EFL1: variants seen among roughly 807,000 people sequenced by gnomAD.
The protein encoded by EFL1 is elongation factor like GTPase 1, also known as elongation factor-like GTPase 1.
EFL1 carries 76 observed loss-of-function variants against 126.7 expected under a neutral mutation model. That is an observed-to-expected ratio of 0.60 (90% CI 0.50 to 0.73). The LOEUF (loss-of-function observed/expected upper bound fraction) is 0.73, where lower values mean the gene tolerates loss of function less well. Ranked by LOEUF, EFL1 falls within the 30% of genes least tolerant of loss-of-function variation. The pLI is 0.00. For synonymous variants in EFL1, 410 were observed against 448.4 expected (o/e 0.91, Z 1.08); for missense variants, 1,128 against 1,343.2 (o/e 0.84, Z 2.50).
chr15:82,187,670 A>T (rs1567055928), intron 15 of EFL1, among the ~76,000 whole-genome samples: 2 of 152,094 alleles, frequency 1.3e-5, no homozygotes, highest in African/African-American at 4.8e-5. Context: ...CCTAATTTAC[A>T]TGTCAAATTC....
At chr15:82,170,609 T>C (rs2074125666) in intron 15 of EFL1, among the ~76,000 whole-genome samples, 1 of 152,340 alleles carries the variant, frequency 6.6e-6, no homozygotes, top group East Asian at 1.9e-4. Flanking sequence ...GTGGAAGTAG[T>C]GGCAGTGGTG....
chr15:82,225,332 G>T, intron 11 of EFL1, 68 bp from the exon 12 acceptor site: 1 of 1,204,368 alleles, frequency 8.3e-7, no homozygotes. Context: ...AGATTTTTCT[G>T]GAAAACAATT....
intron 17 of EFL1, among the ~76,000 whole-genome samples, chr15:82,154,568 T>C (rs1454437913): frequency 2.0e-5 from 3 of 152,166 alleles, no homozygotes; most frequent in Non-Finnish European, 2.9e-5. Flanking sequence ...TATGATAACT[T>C]ACCTCAAAGT....
rs72749532 is a variant in EFL1 at position 82,151,813 on chromosome 15, G to C, written c.2641C>G (p.Pro881Ala). 10 of 1,614,016 alleles carry C rather than the reference G, an allele frequency of 6.2e-6. No homozygotes were observed. Among genetic ancestry groups the C allele is most frequent in the Admixed American group, 1.7e-5 (1 of 60,004 alleles). ...SGFQLATLSG[P>A]MCEEPLMGVC... is the part of the protein sequence containing the mutation. ...CCCATGAGAGGCTCCTCACACATGG[G>C]GCCAGAGAGGGTTGCTAGTTGGAAG... Residue 881 changes from proline to alanine, a missense_variant, in exon 18 of 20, where the codon CCC (proline) becomes GCC (alanine). By Grantham distance (27) the Pro-to-Ala change is conservative (BLOSUM62 -1). Transcript: ENST00000268206.
At chr15:82,148,377 CAAA>C (rs547889990) in intron 18 of EFL1, among the ~76,000 whole-genome samples, 3 of 94,324 alleles carry the variant, frequency 3.2e-5, no homozygotes, top group Non-Finnish European at 6.5e-5. Context: ...GAATCCATCT[CAAA>C]AAAAAAAAAA....
chr15:82,244,708 C>G (rs6495647), intron 4 of EFL1, among the ~76,000 whole-genome samples: 101,362 of 151,942 alleles, frequency 0.67, 35,667 homozygotes, highest in African/African-American at 0.89. Context: ...GAAAAGAATT[C>G]CTCCCTTGCC....
rs140371350 is a variant in EFL1 at position 82,183,195 on chromosome 15, T to A, written c.1751-19211A>T. Among the ~76,000 whole-genome samples, 289 of 152,326 alleles carry A rather than the reference T, an allele frequency of 1.9e-3. 1 individual carries two copies. The highest frequency in any genetic ancestry group is 6.7e-3 in the African/African-American group (280 of 41,566). On this transcript the variant is annotated intron_variant, in intron 15 of 19. Coordinates refer to ENST00000268206, the MANE Select transcript of EFL1 (RefSeq NM_024580.6). Reference sequence around the variant, plus strand: ...CGGCAAAAAGTACCAATGTCTCAAATGTAGGGAGAAAGAAAAGTTGATAAT... The same window carrying A: ...CGGCAAAAAGTACCAATGTCTCAAAAGTAGGGAGAAAGAAAAGTTGATAAT...
chr15:82,245,070 C>A (rs2074959269), intron 4 of EFL1, among the ~76,000 whole-genome samples: 1 of 152,092 alleles, frequency 6.6e-6, no homozygotes, highest in African/African-American at 2.4e-5. Context: ...GTATGAACTT[C>A]TAACAATTAT....
intron 5 of EFL1, among the ~76,000 whole-genome samples, chr15:82,240,981 C>T (rs1177390098): frequency 1.3e-5 from 2 of 152,146 alleles, no homozygotes; most frequent in Admixed American, 6.5e-5. Context: ...ACCCAGGAGG[C>T]GGAGGTTGCA....
At chr15:82,134,187 A>G (rs1351334736) in intron 19 of EFL1, among the ~76,000 whole-genome samples, 1 of 152,186 alleles carries the variant, frequency 6.6e-6, no homozygotes, top group Non-Finnish European at 1.5e-5. Flanking sequence ...ACTTGCCTCA[A>G]CATACCCAAC....
intron 4 of EFL1, among the ~76,000 whole-genome samples, chr15:82,246,086 G>A (rs999020564): frequency 1.3e-5 from 2 of 151,998 alleles, no homozygotes; most frequent in African/African-American, 4.8e-5. Context: ...ACTAGACCAC[G>A]TACAGACCAC....
intron 5 of EFL1, 52 bp downstream of exon 5, chr15:82,241,218 C>T (rs986312313): frequency 3.7e-5 from 60 of 1,602,324 alleles, no homozygotes; most frequent in Non-Finnish European, 4.4e-5. Context: ...GTCAGTTCCC[C>T]CTCTTTCCTC....
intron 12 of EFL1, among the ~76,000 whole-genome samples, chr15:82,221,966 G>T (rs962231832): frequency 1.3e-5 from 2 of 152,120 alleles, no homozygotes; most frequent in Admixed American, 6.5e-5. Context: ...CATTCTAGCC[G>T]TTCCTTCAAC....
At chr15:82,170,113 T>C (rs2074118665) in intron 15 of EFL1, among the ~76,000 whole-genome samples, 1 of 132,878 alleles carries the variant, frequency 7.5e-6, no homozygotes, top group Admixed American at 7.4e-5. Flanking sequence ...TGTCTTTTTT[T>C]TTTTTTTTTT....
At chr15:82,172,017 G>C (rs2141250509) in intron 15 of EFL1, among the ~76,000 whole-genome samples, 1 of 149,864 alleles carries the variant, frequency 6.7e-6, no homozygotes, top group Admixed American at 6.6e-5. Context: ...TAGGAATCTA[G>C]ACAAAGAATA....
At chr15:82,222,911 G>C (rs1224581924) in intron 12 of EFL1, among the ~76,000 whole-genome samples, 2 of 152,184 alleles carry the variant, frequency 1.3e-5, no homozygotes, top group African/African-American at 4.8e-5. Flanking sequence ...TGTCAGGTTG[G>C]AAGGTGAATT....
chr15:82,216,585 G>A (rs1364701635), intron 14 of EFL1, among the ~76,000 whole-genome samples: 1 of 152,112 alleles, frequency 6.6e-6, no homozygotes, highest in Non-Finnish European at 1.5e-5. Flanking sequence ...CTGACAGAGT[G>A]GACAAAGCTA....
chr15:82,215,441 C>G (rs1178377865), intron 14 of EFL1: 1 of 151,984 alleles, frequency 6.6e-6, no homozygotes, highest in East Asian at 1.9e-4. Context: ...AATGAGAGGA[C>G]AGAGTACATT....
At chr15:82,186,126 A>C (rs2074301065) in intron 15 of EFL1, among the ~76,000 whole-genome samples, 1 of 152,050 alleles carries the variant, frequency 6.6e-6, no homozygotes, top group African/African-American at 2.4e-5. Flanking sequence ...CAGTGGAATG[A>C]ATAGTTGCTT....
Sources: gnomAD v4.1 joint callset for allele counts (sites outside exome capture counted in the v4.1 genomes callset) on GRCh38, gnomAD v4.1.1 for gene constraint, MANE v1.5 for transcripts, NCBI Gene and HGNC (gene_info 2026-07-23, HGNC 2026-07-21) for gene names.